Variants in DCC observed in about 807,000 individuals in gnomAD.
DCC encodes DCC netrin 1 receptor, also known as netrin receptor DCC.
A neutral mutation model predicts 172.5 loss-of-function variants in DCC; 58 were observed. The ratio of observed to expected loss-of-function variants is 0.34; its 90% CI spans 0.27 to 0.42. DCC has a LOEUF of 0.42. Ranked by LOEUF, DCC falls within the 10% of genes least tolerant of loss-of-function variation. The pLI is 1.00. For missense variants in DCC, 1,740 were observed against 1,791.0 expected (o/e 0.97, Z 0.51); for synonymous variants, 709 against 644.5 (o/e 1.10, Z -1.52).
chr18:53,121,512 C>T (rs1388398680), intron 7 of DCC, among the ~76,000 whole-genome samples: 6 of 151,960 alleles, frequency 3.9e-5, no homozygotes, highest in Admixed American at 1.3e-4. Flanking sequence ...TCCAATCATA[C>T]GCATGTCTTT....
intron 27 of DCC, among the ~76,000 whole-genome samples, chr18:53,525,696 C>A (rs1021722546): frequency 6.6e-6 from 1 of 151,978 alleles, no homozygotes; most frequent in Non-Finnish European, 1.5e-5. Context: ...AAATATAGGA[C>A]CCCATTAGAA....
chr18:52,874,360 A>G (rs2039370173), intron 2 of DCC, among the ~76,000 whole-genome samples: 1 of 152,226 alleles, frequency 6.6e-6, no homozygotes, highest in African/African-American at 2.4e-5. Context: ...ATTTTCTGCA[A>G]AATAATTAAG....
At chr18:53,336,548 T>C (rs2057593356) in intron 14 of DCC, among the ~76,000 whole-genome samples, 1 of 152,092 alleles carries the variant, frequency 6.6e-6, no homozygotes, top group Admixed American at 6.6e-5. Context: ...GTGAGCTTAA[T>C]TTGGTGATAA....
At chr18:52,977,568 G>A (rs2041138120) in intron 5 of DCC, among the ~76,000 whole-genome samples, 1 of 152,040 alleles carries the variant, frequency 6.6e-6, no homozygotes, top group South Asian at 2.1e-4. Flanking sequence ...TGTATCCTAG[G>A]GGCTATTAGT....
chr18:52,856,609 G>C (rs1332364707), intron 2 of DCC, among the ~76,000 whole-genome samples: 18 of 104,106 alleles, frequency 1.7e-4, no homozygotes, highest in African/African-American at 7.3e-4. Context: ...CTGGGCGACA[G>C]AGCAAGACTC....
At chr18:52,481,483 C>A (rs186676505) in intron 1 of DCC, among the ~76,000 whole-genome samples, 1 of 152,066 alleles carries the variant, frequency 6.6e-6, no homozygotes, top group South Asian at 2.1e-4. Flanking sequence ...CGGCCCTACT[C>A]GCAGATTTAC....
chr18:53,500,141 ATGCAGTAT>A (rs2046078558), intron 27 of DCC, among the ~76,000 whole-genome samples: 1 of 152,148 alleles, frequency 6.6e-6, no homozygotes, highest in South Asian at 2.1e-4. Flanking sequence ...CAGATTCCCA[ATGCAGTAT>A]TGATTTTATT....
At chr18:53,419,478 C>A (rs1910511283) in intron 21 of DCC, among the ~76,000 whole-genome samples, 1 of 152,078 alleles carries the variant, frequency 6.6e-6, no homozygotes. Context: ...CACCATCCTT[C>A]TATTCTCTAC....
intron 2 of DCC, among the ~76,000 whole-genome samples, chr18:52,792,151 A>G (rs1158979040): frequency 1.3e-5 from 2 of 151,902 alleles, no homozygotes; most frequent in Admixed American, 1.3e-4. Context: ...AAATGCCATG[A>G]ACTCTCCAGA....
At chr18:53,518,106 T>TAAG (rs1341990313) in intron 27 of DCC, among the ~76,000 whole-genome samples, 3 of 152,102 alleles carry the variant, frequency 2.0e-5, no homozygotes, top group African/African-American at 7.2e-5. Context: ...TACTTAATAA[T>TAAG]AAGTATATAT....
intron 5 of DCC, among the ~76,000 whole-genome samples, chr18:53,048,996 C>G (rs1326225015): frequency 1.3e-5 from 2 of 152,122 alleles, no homozygotes; most frequent in East Asian, 3.9e-4. Flanking sequence ...TGAACAGTGT[C>G]TTTTCAAGTC....
intron 7 of DCC, among the ~76,000 whole-genome samples, chr18:53,089,193 C>G (rs1445739722): frequency 7.2e-5 from 11 of 152,122 alleles, no homozygotes; most frequent in Admixed American, 7.2e-4. Context: ...TCAAGTGATT[C>G]TCCTGCCTCA....
chr18:52,901,444 TAAATA>T (rs964381696), intron 2 of DCC, among the ~76,000 whole-genome samples: 8 of 151,738 alleles, frequency 5.3e-5, no homozygotes, highest in African/African-American at 1.7e-4. Flanking sequence ...AATAAATAAA[TAAATA>T]AATAAATAAA....
intron 7 of DCC, among the ~76,000 whole-genome samples, chr18:53,068,818 T>TGTG (rs763488670): frequency 3.6e-4 from 55 of 151,346 alleles, no homozygotes; most frequent in South Asian, 6.3e-4. Flanking sequence ...TGTGTGTGTG[T>TGTG]TGCTGGGGAC....
chr18:52,574,028 A>G (rs895503263), intron 1 of DCC, among the ~76,000 whole-genome samples: 4 of 152,178 alleles, frequency 2.6e-5, no homozygotes, highest in African/African-American at 9.7e-5. Flanking sequence ...TAAGTCCAAC[A>G]CACATCTGTA....
At chr18:52,851,245 C>T (rs1157085970) in intron 2 of DCC, among the ~76,000 whole-genome samples, 1 of 152,014 alleles carries the variant, frequency 6.6e-6, no homozygotes, top group Non-Finnish European at 1.5e-5. Context: ...TTTTGTATCT[C>T]ATTCATGGAT....
chr18:53,211,069 C>T (rs534235354), intron 11 of DCC, among the ~76,000 whole-genome samples: 41 of 152,164 alleles, frequency 2.7e-4, no homozygotes, highest in Admixed American at 5.2e-4. Context: ...CTTTTATGAA[C>T]GAATGAACCA....
At chr18:52,972,557 A>G (rs1272278371) in intron 5 of DCC, among the ~76,000 whole-genome samples, 2 of 149,570 alleles carry the variant, frequency 1.3e-5, no homozygotes, top group East Asian at 3.9e-4. Context: ...GTTTTACTCC[A>G]TGTACATATC....
chr18:52,852,829 T>C (rs2038997038), intron 2 of DCC, among the ~76,000 whole-genome samples: 1 of 152,182 alleles, frequency 6.6e-6, no homozygotes, highest in East Asian at 1.9e-4. Context: ...TCAGCATTTA[T>C]TAAATTCTTA....
Sources: allele counts gnomAD v4.1 joint callset (sites outside exome capture counted in the v4.1 genomes callset), GRCh38; gene constraint gnomAD v4.1.1; transcripts MANE v1.5; gene names NCBI Gene and HGNC (gene_info 2026-07-23, HGNC 2026-07-21).